CUL5: variants seen among roughly 807,000 people sequenced by gnomAD.
CUL5 encodes cullin-5.
In CUL5, 26 loss-of-function variants were observed where a neutral mutation model predicts 108.8. The ratio of observed to expected loss-of-function variants is 0.24; its 90% CI spans 0.18 to 0.33. The LOEUF (loss-of-function observed/expected upper bound fraction) is 0.33. Ranked by LOEUF, CUL5 falls within the 10% of genes least tolerant of loss-of-function variation. The pLI is 1.00. For synonymous variants in CUL5, 334 were observed against 298.0 expected, an observed-to-expected ratio of 1.12 and a Z score of -1.25; for missense variants, 524 against 909.2, an observed-to-expected ratio of 0.58 and a Z score of 5.45.
At chr11:108,078,035 CTT>C in intron 10 of CUL5, 139 bp from the exon 11 acceptor site, 1 of 512,590 alleles carries the variant, frequency 2.0e-6, no homozygotes. Context: ...TTGCTAAAGT[CTT>C]TGACTAGGCA....
At chr11:108,095,269 G>A (rs753846093) in intron 15 of CUL5, among the ~76,000 whole-genome samples, 3 of 152,096 alleles carry the variant, frequency 2.0e-5, no homozygotes, top group Non-Finnish European at 4.4e-5. Flanking sequence ...CCTTTCATTA[G>A]GGACAACTTC....
chr11:108,088,430 T>G (rs1265570908), intron 11 of CUL5, 97 bp from the exon 12 acceptor site: 8 of 1,323,446 alleles, frequency 6.0e-6, no homozygotes, highest in African/African-American at 1.5e-5. Flanking sequence ...CTAGATTATT[T>G]AACATGAGAA....
chr11:108,010,855 T>G (rs1158539315), intron 1 of CUL5, among the ~76,000 whole-genome samples: 5 of 152,130 alleles, frequency 3.3e-5, no homozygotes, highest in African/African-American at 9.7e-5. Context: ...TCTCAGCTCT[T>G]TGAGAGGCCA....
At chr11:108,087,833 C>T (rs189547016) in intron 11 of CUL5, among the ~76,000 whole-genome samples, 4 of 152,112 alleles carry the variant, frequency 2.6e-5, no homozygotes, top group East Asian at 3.9e-4. Flanking sequence ...GGCATGGTGG[C>T]GGGCACCTGT....
At chr11:108,022,170 A>C (rs1212248806) in intron 1 of CUL5, among the ~76,000 whole-genome samples, 1 of 152,056 alleles carries the variant, frequency 6.6e-6, no homozygotes, top group Non-Finnish European at 1.5e-5. Flanking sequence ...ATATTGCCAT[A>C]ATATTGTTTC....
intron 16 of CUL5, among the ~76,000 whole-genome samples, chr11:108,096,797 C>G (rs1043687126): frequency 4.0e-5 from 6 of 151,860 alleles, no homozygotes; most frequent in African/African-American, 1.5e-4. Flanking sequence ...AACTCCTGAC[C>G]TCAGGTAATT....
Position 108,009,389 on chromosome 11 carries a change from A to C in CUL5, c.24+17A>C, listed in dbSNP as rs748925540. ...CTGTTAAAGGTAAGACCCTCACTCC[A>C]GCTTGGGTTTTACTGTGTGGCCGCC... On this transcript the variant is annotated intron_variant, in intron 1 of 18. Transcript: ENST00000393094. The C allele has an allele frequency of 6.2e-7, 1 of 1,613,426 alleles. No individual in the cohort carries two copies. Among genetic ancestry groups the C allele is most frequent in the Non-Finnish European group, 8.5e-7 (1 of 1,179,690 alleles).
At chr11:108,026,036 A>G (rs780769648) in intron 1 of CUL5, among the ~76,000 whole-genome samples, 3 of 152,178 alleles carry the variant, frequency 2.0e-5, no homozygotes, top group Non-Finnish European at 2.9e-5. Context: ...TTATTCTGTC[A>G]TGATGGGAAG....
At chr11:108,022,244 C>T (rs1862344214) in intron 1 of CUL5, among the ~76,000 whole-genome samples, 1 of 151,972 alleles carries the variant, frequency 6.6e-6, no homozygotes, top group Non-Finnish European at 1.5e-5. Flanking sequence ...GTTTTCGGGG[C>T]GAACCAGTAG....
intron 1 of CUL5, 151 bp from the exon 2 acceptor site, chr11:108,033,651 A>C: frequency 1.8e-6 from 1 of 568,276 alleles, no homozygotes; most frequent in Non-Finnish European, 3.1e-6. Context: ...ATTCCTCAAT[A>C]ACGGATTAAG....
Position 108,058,666 on chromosome 11 carries a change from G to A in CUL5, c.780+3711G>A, listed in dbSNP as rs573448811. Among the ~76,000 whole-genome samples the A allele has an allele frequency of 2.4e-4, 37 of 152,098 alleles. No homozygotes were observed. The South Asian group carries it at 7.7e-3, about 32-fold the overall frequency. On this transcript the variant is annotated intron_variant, in intron 7 of 18. Transcript: ENST00000393094. ...AATATGGTCAGAAAAGATCTCTGAG[G>A]GAATGATATTGGAGTTAAGACCTGA...
intron 7 of CUL5, among the ~76,000 whole-genome samples, chr11:108,063,697 G>A (rs981130712): frequency 6.6e-6 from 1 of 151,464 alleles, no homozygotes; most frequent in South Asian, 2.1e-4. Context: ...ACGTGGAAGT[G>A]CATCTATCTC....
chr11:108,034,423 C>T (rs1187892950), intron 2 of CUL5, among the ~76,000 whole-genome samples: 4 of 152,084 alleles, frequency 2.6e-5, no homozygotes, highest in African/African-American at 7.2e-5. Flanking sequence ...GTACAGTGAG[C>T]CACTGTTATT....
At chr11:108,022,708 T>G (rs1862356024) in intron 1 of CUL5, among the ~76,000 whole-genome samples, 1 of 152,206 alleles carries the variant, frequency 6.6e-6, no homozygotes, top group Non-Finnish European at 1.5e-5. Flanking sequence ...CAAATGATGG[T>G]ACAGTATTTA....
chr11:108,025,382 G>C (rs918562212), intron 1 of CUL5, among the ~76,000 whole-genome samples: 3 of 152,058 alleles, frequency 2.0e-5, no homozygotes, highest in Admixed American at 2.0e-4. Flanking sequence ...TGTTTTAGGG[G>C]CTTGATTTTA....
intron 13 of CUL5, among the ~76,000 whole-genome samples, chr11:108,092,769 C>T (rs1864390286): frequency 1.3e-5 from 2 of 152,014 alleles, no homozygotes; most frequent in South Asian, 2.1e-4. Flanking sequence ...TTGCACAGTT[C>T]TGTAGATATA....
chr11:108,104,176 A>C lies in CUL5; in HGVS notation c.2149-14A>C. 1 of 1,513,408 alleles carries C rather than the reference A, an allele frequency of 6.6e-7. No individual in the cohort carries two copies. The highest frequency in any genetic ancestry group is 8.9e-7 in the Non-Finnish European group (1 of 1,118,332). 93.7% of individuals were successfully genotyped at this position (1,513,408 alleles called of 1,614,324 possible). On this transcript the variant is annotated splice_polypyrimidine_tract_variant and intron_variant, in intron 18 of 18. Coordinates refer to ENST00000393094, the MANE Select transcript of CUL5 (RefSeq NM_003478.6). ...CGTATATTAATGCGCTTTTATTTTTATTTTTTCTTTTAGGAAGCTATCATA... is the reference window on the plus strand; with the variant it reads ...CGTATATTAATGCGCTTTTATTTTTCTTTTTTCTTTTAGGAAGCTATCATA...
At position 108,107,120 on chromosome 11, in the gene CUL5, TC is replaced by T. The variant is rs1326786676; in HGVS notation, c.*2738del. The T allele has an allele frequency of 6.6e-6, 1 of 151,900 alleles. No homozygotes were observed. Among genetic ancestry groups the T allele is most frequent in the Non-Finnish European group, 1.5e-5 (1 of 67,956 alleles). The allele number at this position is 151,900 out of a possible 1,614,324, so 9.4% of individuals were successfully genotyped here. On this transcript the variant is annotated 3_prime_UTR_variant, in exon 19 of 19. Transcript: ENST00000393094. The stretch of plus-strand genomic sequence containing the variant: ...GATCTTGAAATAAATTCTGAAGTCT[TC>T]CAATTTTTACATTTATTGGAGGGGT...
intron 2 of CUL5, among the ~76,000 whole-genome samples, chr11:108,045,833 C>G (rs1863053973): frequency 6.6e-6 from 1 of 152,042 alleles, no homozygotes; most frequent in Non-Finnish European, 1.5e-5. Context: ...GCACACTAGC[C>G]TGGGCAACAT....
Sources: gnomAD v4.1 joint callset for allele counts (sites outside exome capture counted in the v4.1 genomes callset) on GRCh38, gnomAD v4.1.1 for gene constraint, MANE v1.5 for transcripts, NCBI Gene and HGNC (gene_info 2026-07-23, HGNC 2026-07-21) for gene names.